SLFN12L: variants seen among roughly 807,000 people sequenced by gnomAD.
The protein encoded by SLFN12L is schlafen family member 12-like.
In SLFN12L, 34 loss-of-function variants were observed where a neutral mutation model predicts 34.8. The ratio of observed to expected loss-of-function variants is 0.98; its 90% confidence interval spans 0.74 to 1.30. SLFN12L has a LOEUF of 1.30. Among genes scored for constraint, SLFN12L ranks in the 50% most tolerant of loss-of-function variants. SLFN12L has a pLI of 0.00. For synonymous variants in SLFN12L, 259 were observed against 247.5 expected, an observed-to-expected ratio of 1.05 and a Z score of -0.44; for missense variants, 703 against 696.2, an observed-to-expected ratio of 1.01 and a Z score of -0.11.
chr17:35,467,788 G>C lies in SLFN12L; in HGVS notation c.*7135C>G, dbSNP rs1021875363. Among the ~76,000 whole-genome samples, 2 of 152,150 alleles carry C rather than the reference G, an allele frequency of 1.3e-5. No homozygotes were observed. Among genetic ancestry groups the C allele is most frequent in the Non-Finnish European group, 2.9e-5 (2 of 68,016 alleles). ...CAGCTGCTTATCTGATATGGGACCC[G>C]TTTGAGCCTAAACTTCAACCATGAA... On this transcript the variant is annotated 3_prime_UTR_variant, in exon 5 of 5. Coordinates refer to ENST00000628453, the MANE Select transcript of SLFN12L (RefSeq NM_001363830.2).
intron 2 of SLFN12L, among the ~76,000 whole-genome samples, chr17:35,502,403 G>T (rs1219849624): frequency 1.0e-5 from 1 of 96,302 alleles, no homozygotes; most frequent in East Asian, 3.5e-4. Context: ...CACCAGTTCA[G>T]AAGTATCCTA....
At chr17:35,513,752 G>A (rs1368942828) in intron 2 of SLFN12L, among the ~76,000 whole-genome samples, 1 of 152,206 alleles carries the variant, frequency 6.6e-6, no homozygotes, top group Non-Finnish European at 1.5e-5. Context: ...GAGGTACATT[G>A]AAGATAAAAG....
chr17:35,477,537 G>C (rs944646425), intron 4 of SLFN12L, among the ~76,000 whole-genome samples: 1 of 152,064 alleles, frequency 6.6e-6, no homozygotes, highest in Non-Finnish European at 1.5e-5. Flanking sequence ...GTGACTAAAC[G>C]AGGATTTTAT....
intron 2 of SLFN12L, chr17:35,489,998 AT>A: frequency 1.3e-6 from 2 of 1,570,082 alleles, no homozygotes; most frequent in Non-Finnish European, 1.7e-6. Context: ...ATAGAAAGAA[AT>A]ATCCGACATC....
chr17:35,513,369 T>TAA (rs112233709), intron 2 of SLFN12L, among the ~76,000 whole-genome samples: 5 of 150,754 alleles, frequency 3.3e-5, no homozygotes, highest in East Asian at 3.9e-4. Flanking sequence ...CACTATACCA[T>TAA]AAAAAAAAAC....
At position 35,479,651 on chromosome 17, in the gene SLFN12L, C is replaced by T. The variant is rs1390872627; in HGVS notation, c.631G>A (p.Val211Ile). ...RPEFPAKRAC[V>I]DVQEESNMEA... is the part of the protein sequence containing the mutation. ...ATGTTACTTTCTTCTTGTACATCAA[C>T]ACAGGCCCTTTTTGCAGGGAATTCT... is the stretch of plus-strand genomic sequence containing the variant. Residue 211 changes from valine to isoleucine, a missense_variant, in exon 3 of 5, where the codon GTT (valine) becomes ATT (isoleucine). By Grantham distance (29) the Val-to-Ile change is conservative. Coordinates refer to ENST00000628453, the MANE Select transcript of SLFN12L (RefSeq NM_001363830.2). The T allele has an allele frequency of 1.2e-6, 2 of 1,611,292 alleles. No homozygotes were observed. Among genetic ancestry groups the T allele is most frequent in the East Asian group, 4.5e-5 (2 of 44,828 alleles).
chr17:35,490,459 C>T, intron 2 of SLFN12L: 2 of 1,026,902 alleles, frequency 1.9e-6, no homozygotes, highest in Non-Finnish European at 3.1e-6. Flanking sequence ...GCTAAAAGTG[C>T]AAAATAGAAG....
rs750162059 is a variant in SLFN12L at position 35,475,325 on chromosome 17, C to A, written c.1437G>T (p.Glu479Asp). The A allele has an allele frequency of 6.2e-7, 1 of 1,614,224 alleles. No individual in the cohort carries two copies. Among genetic ancestry groups the A allele is most frequent in the South Asian group, 1.1e-5 (1 of 91,086 alleles). Residue 479 changes from glutamate to aspartate, a missense_variant, in exon 5 of 5, where the codon GAG becomes GAT. Physicochemically the swap from Glu to Asp is conservative, Grantham distance 45 (BLOSUM62 2). Transcript: ENST00000628453. ...RSWSLDLGLQ[E>D]NHKVLCDALL... Reference sequence around the variant, plus strand: ...GAGCATCACAGAGGACTTTGTGGTTCTCTTGCAAGCCCAGATCCAAAGACC... The same window carrying A: ...GAGCATCACAGAGGACTTTGTGGTTATCTTGCAAGCCCAGATCCAAAGACC...
chr17:35,494,758 G>A (rs779360464), intron 2 of SLFN12L, among the ~76,000 whole-genome samples: 76 of 152,290 alleles, frequency 5.0e-4, no homozygotes, highest in Middle Eastern at 3.4e-3. Flanking sequence ...GGGAGGACTG[G>A]TTCAGGGCCA....
intron 2 of SLFN12L, among the ~76,000 whole-genome samples, chr17:35,482,533 C>T (rs1465406494): frequency 6.6e-6 from 1 of 152,166 alleles, no homozygotes; most frequent in Non-Finnish European, 1.5e-5. Context: ...AGAATCCTGC[C>T]CCACAACCCT....
intron 2 of SLFN12L, among the ~76,000 whole-genome samples, chr17:35,495,900 A>AACACACACACACAC (rs58553128): frequency 2.9e-5 from 4 of 138,064 alleles, no homozygotes; most frequent in African/African-American, 8.2e-5. Context: ...GCCGATTTGA[A>AACACACACACACAC]ACACACACAC....
Position 35,479,641 on chromosome 17 carries a change from T to G in SLFN12L, c.641A>C (p.Gln214Pro), listed in dbSNP as rs766672262. 18 of 1,610,978 alleles carry G rather than the reference T, an allele frequency of 1.1e-5. No homozygotes were observed. In the Admixed American group the frequency reaches 2.0e-4, roughly 18 times the overall value. ...FPAKRACVDVQEESNMEALAA... is the reference protein window; with the variant it reads ...FPAKRACVDVPEESNMEALAA... The stretch of plus-strand genomic sequence containing the variant: ...CAAGGCTTCCATGTTACTTTCTTCT[T>G]GTACATCAACACAGGCCCTTTTTGC... The change falls in exon 3 of 5, where the codon CAA becomes CCA. Residue 214 changes from glutamine to proline, a missense_variant. Gln to Pro is a moderately conservative substitution (Grantham distance 76). Coordinates refer to ENST00000628453, the MANE Select transcript of SLFN12L (RefSeq NM_001363830.2).
At chr17:35,509,694 A>T (rs995294195) in intron 2 of SLFN12L, among the ~76,000 whole-genome samples, 2 of 152,126 alleles carry the variant, frequency 1.3e-5, no homozygotes, top group Non-Finnish European at 2.9e-5. Context: ...TATTTTAAAA[A>T]AAGAGACTCT....
At chr17:35,507,562 T>C (rs1437052682) in intron 2 of SLFN12L, among the ~76,000 whole-genome samples, 1 of 152,206 alleles carries the variant, frequency 6.6e-6, no homozygotes, top group East Asian at 1.9e-4. Flanking sequence ...GGGCAAGCAG[T>C]TGAAGACATA....
intron 2 of SLFN12L, chr17:35,500,499 G>A (rs753671420): frequency 6.6e-5 from 10 of 152,464 alleles, no homozygotes; most frequent in Non-Finnish European, 1.5e-4. Context: ...GGAAGCCAAG[G>A]CGGGTGGATC....
intron 1 of SLFN12L, among the ~76,000 whole-genome samples, chr17:35,532,565 C>G (rs1438977247): frequency 6.6e-6 from 1 of 152,088 alleles, no homozygotes; most frequent in Non-Finnish European, 1.5e-5. Context: ...AAGTACCTGG[C>G]TCCGTTGGGA....
intron 2 of SLFN12L, among the ~76,000 whole-genome samples, chr17:35,502,416 G>GAAAAAAAAAAA (rs1161388791): frequency 7.9e-5 from 2 of 25,250 alleles, no homozygotes; most frequent in Non-Finnish European, 1.8e-4. Flanking sequence ...GTATCCTAAG[G>GAAAAAAAAAAA]AAAAAAAAAA....
At chr17:35,477,205 G>C (rs1914071665) in intron 4 of SLFN12L, among the ~76,000 whole-genome samples, 1 of 152,190 alleles carries the variant, frequency 6.6e-6, no homozygotes, top group Non-Finnish European at 1.5e-5. Flanking sequence ...TCAGTAACTG[G>C]ATCTAGGAAA....
Position 35,529,505 on chromosome 17 carries a change from C to T in SLFN12L, c.-605-6536G>A, listed in dbSNP as rs2072369915. Among the ~76,000 whole-genome samples, 4 of 152,316 alleles carry T rather than the reference C, an allele frequency of 2.6e-5. No homozygotes were observed. In the South Asian group the frequency reaches 8.3e-4, roughly 32 times the overall value. On this transcript the variant is annotated intron_variant, in intron 1 of 4. Transcript: ENST00000628453. The stretch of plus-strand genomic sequence containing the variant: ...TGTGGCACATATACACCATGGAATA[C>T]TATGCAGCCATTAAAAAGGATGAGT...
Sources: allele counts gnomAD v4.1 joint callset (sites outside exome capture counted in the v4.1 genomes callset), GRCh38; gene constraint gnomAD v4.1.1; transcripts MANE v1.5; gene names NCBI Gene and HGNC (gene_info 2026-07-23, HGNC 2026-07-21).